Variants in EVA1A observed in about 807,000 individuals in gnomAD.
EVA1A encodes the protein eva-1 homolog A, regulator of programmed cell death.
Under a neutral mutation model 9.8 loss-of-function variants are expected in EVA1A, and 7 were observed. The ratio of observed to expected loss-of-function variants is 0.71; its 90% CI spans 0.41 to 1.34. EVA1A has a LOEUF of 1.34. Among genes scored for constraint, EVA1A ranks in the 40% most tolerant of loss-of-function variants. The probability of loss-of-function intolerance (pLI) is 0.01; values close to 1 mark genes in which losing one functional copy is unlikely to be tolerated. For synonymous variants in EVA1A, 90 were observed against 85.6 expected (o/e 1.05, Z -0.28); for missense variants, 206 against 205.9 (o/e 1.00, Z 0.00).
At position 75,492,635 on chromosome 2, in the gene EVA1A, T is replaced by C. The variant is rs1006944707; in HGVS notation, c.*601A>G. ...CACTGACACATCTCCCATAATACAATAGTTCTATTCATTTTCATGAATGAG... is the reference window on the plus strand; with the variant it reads ...CACTGACACATCTCCCATAATACAACAGTTCTATTCATTTTCATGAATGAG... On this transcript the variant is annotated 3_prime_UTR_variant, in exon 4 of 4. Coordinates refer to ENST00000393913, the MANE Select transcript of EVA1A (RefSeq NM_001135032.2). 1 of 152,702 alleles carries C rather than the reference T, an allele frequency of 6.5e-6. No homozygotes were observed. Among genetic ancestry groups the C allele is most frequent in the Non-Finnish European group, 1.5e-5 (1 of 68,098 alleles). 9.5% of individuals were successfully genotyped at this position (152,702 alleles called of 1,614,324 possible). A position where few individuals can be genotyped will look rare whatever the true frequency, so the allele number is the denominator to read the frequency against.
chr2:75,527,960 C>T (rs1352789580), intron 1 of EVA1A, among the ~76,000 whole-genome samples: 1 of 152,216 alleles, frequency 6.6e-6, no homozygotes, highest in African/African-American at 2.4e-5. Flanking sequence ...TCTGAACATA[C>T]ATCCTCACTG....
intron 3 of EVA1A, among the ~76,000 whole-genome samples, chr2:75,509,206 G>A (rs1346527115): frequency 6.6e-6 from 1 of 152,102 alleles, no homozygotes; most frequent in African/African-American, 2.4e-5. Context: ...TTAAGTTGGT[G>A]AATTTTATAA....
At chr2:75,508,720 A>T (rs556946269) in intron 3 of EVA1A, among the ~76,000 whole-genome samples, 47 of 152,084 alleles carry the variant, frequency 3.1e-4, no homozygotes, top group African/African-American at 1.1e-3. Context: ...TCCCTAATAA[A>T]AACTTGCTGG....
upstream of EVA1A, among the ~76,000 whole-genome samples, chr2:75,563,706 T>C (rs992569589): frequency 3.3e-5 from 5 of 152,250 alleles, no homozygotes; most frequent in African/African-American, 1.2e-4. Flanking sequence ...TGTTCCTGTC[T>C]ACCACCTCTG....
chr2:75,538,623 C>A (rs554293324), intron 1 of EVA1A, among the ~76,000 whole-genome samples: 1 of 152,302 alleles, frequency 6.6e-6, no homozygotes, highest in African/African-American at 2.4e-5. Flanking sequence ...TTTAAACCAA[C>A]TGTAGTACAT....
chr2:75,496,811 A>C (rs887545321), intron 3 of EVA1A, among the ~76,000 whole-genome samples: 3 of 152,228 alleles, frequency 2.0e-5, no homozygotes, highest in African/African-American at 7.2e-5. Context: ...ACAGTAAGCA[A>C]ACAGTATGGT....
intron 1 of EVA1A, among the ~76,000 whole-genome samples, chr2:75,555,518 C>A (rs1333871402): frequency 2.0e-5 from 3 of 152,116 alleles, no homozygotes; most frequent in East Asian, 3.9e-4. Context: ...CAACTACCCA[C>A]AACCTCCCAG....
At chr2:75,513,471 C>A (rs914489867) in intron 3 of EVA1A, among the ~76,000 whole-genome samples, 3 of 152,070 alleles carry the variant, frequency 2.0e-5, no homozygotes, top group Non-Finnish European at 4.4e-5. Flanking sequence ...ATGTATTCAA[C>A]ATTTTTTTTA....
intron 1 of EVA1A, among the ~76,000 whole-genome samples, chr2:75,550,010 G>A (rs887964166): frequency 6.6e-6 from 1 of 152,112 alleles, no homozygotes; most frequent in Non-Finnish European, 1.5e-5. Flanking sequence ...AACCCTCTAT[G>A]GTATCTGCCT....
At chr2:75,524,149 A>G (rs1675330568) in intron 1 of EVA1A, 1 of 152,276 alleles carries the variant, frequency 6.6e-6, no homozygotes. Context: ...GCCATACAGA[A>G]CTGTGAGTCA....
chr2:75,553,439 A>G (rs753154824), intron 1 of EVA1A, among the ~76,000 whole-genome samples: 10 of 152,242 alleles, frequency 6.6e-5, no homozygotes, highest in Non-Finnish European at 1.2e-4. Flanking sequence ...GGACAGCAAA[A>G]CATTGCATTA....
At chr2:75,519,405 C>CTA (rs1179335144) in intron 2 of EVA1A, among the ~76,000 whole-genome samples, 4 of 152,104 alleles carry the variant, frequency 2.6e-5, no homozygotes, top group African/African-American at 9.7e-5. Flanking sequence ...ATAGAATGGG[C>CTA]TATAACAGAA....
intron 1 of EVA1A, chr2:75,540,622 T>C (rs1572981459): frequency 6.6e-6 from 1 of 152,084 alleles, no homozygotes; most frequent in East Asian, 1.9e-4. Flanking sequence ...CTGGGCATGG[T>C]TTTAATTATG....
In EVA1A at chr2:75,493,039, A is replaced by G. The variant is rs115327839; in HGVS notation, c.*197T>C. 4.0e-3 allele frequency: 2,903 copies of G among 729,076 alleles called. 55 individuals carry two copies. In the African/African-American group the frequency reaches 0.043, roughly 11 times the overall value. 45.2% of individuals were successfully genotyped at this position (729,076 alleles called of 1,614,324 possible). On this transcript the variant is annotated 3_prime_UTR_variant, in exon 4 of 4. Coordinates refer to ENST00000393913, the MANE Select transcript of EVA1A (RefSeq NM_001135032.2). ...ATTCCGAGACCTGGAAAGGGTGATG[A>G]ACTGCTTTGATTTTTCTACTTCTCC...
chr2:75,512,642 G>T (rs370139135), intron 3 of EVA1A, among the ~76,000 whole-genome samples: 2 of 152,156 alleles, frequency 1.3e-5, no homozygotes, highest in East Asian at 3.9e-4. Context: ...GCCACAGAAG[G>T]ACCTTCAGAG....
chr2:75,514,733 A>T (rs1240423744), intron 3 of EVA1A, among the ~76,000 whole-genome samples: 2 of 152,194 alleles, frequency 1.3e-5, no homozygotes, highest in East Asian at 3.8e-4. Context: ...CTAATATTTT[A>T]CTACATGTAT....
intron 1 of EVA1A, among the ~76,000 whole-genome samples, chr2:75,568,690 C>A (rs1677072229): frequency 2.0e-5 from 3 of 152,144 alleles, no homozygotes; most frequent in South Asian, 2.1e-4. Flanking sequence ...GGCTCTCATT[C>A]ATAAGTAAGA....
chr2:75,513,943 C>T (rs771101883), intron 3 of EVA1A, among the ~76,000 whole-genome samples: 18 of 152,158 alleles, frequency 1.2e-4, no homozygotes, highest in Non-Finnish European at 2.4e-4. Context: ...AATCCTGACT[C>T]TTAAACCACA....
intron 2 of EVA1A, among the ~76,000 whole-genome samples, chr2:75,521,907 A>G (rs1220877726): frequency 6.6e-6 from 1 of 152,224 alleles, no homozygotes; most frequent in African/African-American, 2.4e-5. Flanking sequence ...TATTTAAAGA[A>G]TCTTGCAATC....
Sources: gnomAD v4.1 joint callset for allele counts (sites outside exome capture counted in the v4.1 genomes callset) on GRCh38, gnomAD v4.1.1 for gene constraint, MANE v1.5 for transcripts, NCBI Gene and HGNC (gene_info 2026-07-23, HGNC 2026-07-21) for gene names.